UNC79: variants seen among roughly 807,000 people sequenced by gnomAD.
The protein encoded by UNC79 is protein unc-79 homolog.
UNC79 carries 37 observed loss-of-function variants against 283.1 expected under a neutral mutation model. The ratio of observed to expected loss-of-function variants is 0.13; its 90% CI spans 0.10 to 0.17. The LOEUF (loss-of-function observed/expected upper bound fraction) is 0.17. Ranked by LOEUF, UNC79 falls within the 10% of genes least tolerant of loss-of-function variation. The pLI, the probability that UNC79 is intolerant of heterozygous loss-of-function variation, is 1.00. For synonymous variants in UNC79, 1,107 were observed against 1,200.2 expected (o/e 0.92, Z 1.61); for missense variants, 2,272 against 3,211.1 (o/e 0.71, Z 7.07).
intron 35 of UNC79, among the ~76,000 whole-genome samples, chr14:93,649,920 A>G (rs1477042102): frequency 6.6e-6 from 1 of 152,204 alleles, no homozygotes; most frequent in Non-Finnish European, 1.5e-5. Context: ...AAACCCCTGT[A>G]AAGATAGAGA....
At chr14:93,539,478 G>A (rs932651700) in intron 12 of UNC79, among the ~76,000 whole-genome samples, 5 of 151,398 alleles carry the variant, frequency 3.3e-5, no homozygotes, top group Non-Finnish European at 7.4e-5. Context: ...CTGAGATTGC[G>A]CCACTGCACT....
chr14:93,691,674 C>A, intron 45 of UNC79, 75 bp from the exon 49 acceptor site: 1 of 1,531,486 alleles, frequency 6.5e-7, no homozygotes, highest in Non-Finnish European at 9.0e-7. Context: ...AAGACCAAAG[C>A]CATGCGGGAG....
intron 43 of UNC79, among the ~76,000 whole-genome samples, chr14:93,687,767 T>C (rs1173315509): frequency 6.6e-6 from 1 of 152,064 alleles, no homozygotes; most frequent in Non-Finnish European, 1.5e-5. Flanking sequence ...TGAATACCCA[T>C]ACTTAAATGA....
At chr14:93,402,802 C>T (rs1419966478) in intron 1 of UNC79, among the ~76,000 whole-genome samples, 1 of 151,904 alleles carries the variant, frequency 6.6e-6, no homozygotes, top group East Asian at 1.9e-4. Flanking sequence ...CTTGTGGTTC[C>T]CACTGGCAGA....
chr14:93,348,720 C>T (rs535085426), intron 1 of UNC79, among the ~76,000 whole-genome samples: 2 of 152,192 alleles, frequency 1.3e-5, no homozygotes, highest in Non-Finnish European at 2.9e-5. Context: ...GAATCATACA[C>T]ATCTTTGAAC....
Position 93,340,441 on chromosome 14 carries a change from C to CAA in UNC79, c.-351+6940_-351+6941dup, listed in dbSNP as rs1193751068. 6.2e-3 allele frequency among the ~76,000 whole-genome samples: 397 copies of CAA among 63,792 alleles called. 6 individuals carry two copies. Among genetic ancestry groups the CAA allele is most frequent in the African/African-American group, 0.014 (253 of 18,112 alleles). 41.9% of individuals were successfully genotyped at this position (63,792 alleles called of 152,430 possible). A position where few individuals can be genotyped will look rare whatever the true frequency, so the allele number is the denominator to read the frequency against. On this transcript the variant is annotated intron_variant, in intron 1 of 49. Coordinates refer to the UNC79 transcript ENST00000256339. Reference sequence around the variant, plus strand: ...TGGGCGACAGAGCAAAACGCTGTCTCAAAAAAAAAAAAAAAAAAAAAAAGA... The same window carrying CAA: ...TGGGCGACAGAGCAAAACGCTGTCTCAAAAAAAAAAAAAAAAAAAAAAAAAGA...
intron 14 of UNC79, among the ~76,000 whole-genome samples, chr14:93,569,444 A>T (rs2063089779): frequency 6.6e-6 from 1 of 151,922 alleles, no homozygotes; most frequent in South Asian, 2.1e-4. Context: ...CTCCAAAAAA[A>T]ATAAAAAATA....
At chr14:93,529,477 G>T in intron 10 of UNC79, 151 bp downstream of exon 10, 1 of 814,372 alleles carries the variant, frequency 1.2e-6, no homozygotes. Flanking sequence ...TAATATCAAT[G>T]CCTTGCTTAT....
At chr14:93,383,261 C>T (rs2054701883) in intron 1 of UNC79, among the ~76,000 whole-genome samples, 2 of 152,104 alleles carry the variant, frequency 1.3e-5, no homozygotes, top group Admixed American at 6.5e-5. Context: ...TTTTCATTTT[C>T]TTTCTTCAGA....
chr14:93,491,201 T>G (rs1447773197), intron 5 of UNC79, among the ~76,000 whole-genome samples: 1 of 152,072 alleles, frequency 6.6e-6, no homozygotes, highest in African/African-American at 2.4e-5. Flanking sequence ...TACCATCACA[T>G]TAGGGGGTTT....
chr14:93,592,474 G>A (rs11849904), intron 22 of UNC79, among the ~76,000 whole-genome samples: 11,492 of 152,048 alleles, frequency 0.076, 470 homozygotes, highest in Middle Eastern at 0.11. Context: ...GCGCCTGGCC[G>A]ACATAACTTT....
Position 93,621,717 on chromosome 14 carries a change from G to T in UNC79, c.4484G>T (p.Arg1495Leu), listed in dbSNP as rs765076873. The stretch of plus-strand genomic sequence containing the variant: ...GAAAGCATTCCGAAAAAAAAGCTAC[G>T]CTCTTTCAAACAAAAATCTCTTGAT... The change falls in exon 30 of 49, where the codon CGC becomes CTC. Residue 1495 changes from arginine to leucine, a missense_variant. Arg to Leu is a moderately radical substitution (Grantham distance 102, BLOSUM62 -2). Transcript: ENST00000555664. This position sits in a 1 kb window ranked among gnomAD's most constrained non-coding sequence, Gnocchi z 4.8. The T allele has an allele frequency of 6.2e-7, 1 of 1,613,830 alleles. No individual in the cohort carries two copies. Among genetic ancestry groups the T allele is most frequent in the Non-Finnish European group, 8.5e-7 (1 of 1,179,914 alleles).
At chr14:93,642,704 G>C (rs2069178021) in intron 33 of UNC79, among the ~76,000 whole-genome samples, 1 of 152,102 alleles carries the variant, frequency 6.6e-6, no homozygotes, top group South Asian at 2.1e-4. Context: ...TTTTTACTTA[G>C]AAATGTGAAT....
chr14:93,655,761 G>T (rs905213635), intron 38 of UNC79, among the ~76,000 whole-genome samples: 14 of 152,064 alleles, frequency 9.2e-5, no homozygotes, highest in African/African-American at 3.4e-4. Context: ...TCCAAAAGCA[G>T]CTCAGACATA....
In UNC79 at chr14:93,688,881, A is replaced by G. The variant is rs2074459332; in HGVS notation, c.7085+41A>G. ...TTCCGGGAATGAGGGTAAAGAAGGCAGGAGACACCCCTGAGTTTCCTCGGG... is the reference window on the plus strand; with the variant it reads ...TTCCGGGAATGAGGGTAAAGAAGGCGGGAGACACCCCTGAGTTTCCTCGGG... On this transcript the variant is annotated intron_variant, in intron 44 of 48. Coordinates refer to ENST00000555664, the Ensembl canonical transcript of UNC79. The surrounding 1 kb of genome is among the most constrained non-coding windows in gnomAD (Gnocchi z 4.0). 1.9e-6 allele frequency: 3 copies of G among 1,595,276 alleles called. No individual in the cohort carries two copies. The highest frequency in any genetic ancestry group is 1.3e-5 in the African/African-American group (1 of 74,348).
At chr14:93,388,047 C>T (rs964137597) in intron 1 of UNC79, among the ~76,000 whole-genome samples, 2 of 152,024 alleles carry the variant, frequency 1.3e-5, no homozygotes, top group Non-Finnish European at 2.9e-5. Flanking sequence ...ATAGCTACCT[C>T]GGTCTAGGAT....
At chr14:93,545,374 G>T (rs8005572) in intron 14 of UNC79, among the ~76,000 whole-genome samples, 4,244 of 152,272 alleles carry the variant, frequency 0.028, 216 homozygotes, top group African/African-American at 0.097. Context: ...AGTTTGCATT[G>T]CCAGAACTCT....
At chr14:93,387,869 A>G (rs1471056730) in intron 1 of UNC79, among the ~76,000 whole-genome samples, 1 of 152,208 alleles carries the variant, frequency 6.6e-6, no homozygotes, top group Non-Finnish European at 1.5e-5. Context: ...ATTGGAGTCT[A>G]ACTCTTTAGC....
At chr14:93,381,785 T>C (rs2054670913) in intron 1 of UNC79, among the ~76,000 whole-genome samples, 1 of 152,202 alleles carries the variant, frequency 6.6e-6, no homozygotes, top group South Asian at 2.1e-4. Flanking sequence ...AAGTGTCCTC[T>C]AGAGGAAGTG....
Sources: allele counts gnomAD v4.1 joint callset (sites outside exome capture counted in the v4.1 genomes callset), GRCh38; gene constraint gnomAD v4.1.1; non-coding constraint Gnocchi (gnomAD v3.1); transcripts MANE v1.5; gene names NCBI Gene and HGNC (gene_info 2026-07-23, HGNC 2026-07-21).